Variants in AMPD2 observed in about 807,000 individuals in gnomAD.
The protein encoded by AMPD2 is adenosine monophosphate deaminase 2, also known as AMP deaminase 2.
Under a neutral mutation model 91.3 loss-of-function variants are expected in AMPD2, and 52 were observed. The ratio of observed to expected loss-of-function variants is 0.57; its 90% CI spans 0.46 to 0.72. The LOEUF is 0.72. Ranked by LOEUF, AMPD2 falls within the 30% of genes least tolerant of loss-of-function variation. The probability of loss-of-function intolerance (pLI) is 0.00; values close to 1 mark genes in which losing one functional copy is unlikely to be tolerated. For missense variants in AMPD2, 822 were observed against 1,122.3 expected (o/e 0.73, Z 3.82); for synonymous variants, 455 against 456.4 (o/e 1.00, Z 0.04).
chr1:109,622,083 C>T, intron 2 of AMPD2: 2 of 400,508 alleles, frequency 5.0e-6, no homozygotes, highest in Non-Finnish European at 1.0e-5. Flanking sequence ...AAAGACCCAC[C>T]CTGACTTTGA....
intron 1 of AMPD2, 55 bp from the exon 2 acceptor site, chr1:109,620,859 G>C (rs1650186912): frequency 7.0e-7 from 1 of 1,438,090 alleles, no homozygotes; most frequent in Non-Finnish European, 9.1e-7. Context: ...GGAGAGCTGG[G>C]GGCTGGCCCT....
In AMPD2 at chr1:109,628,059, C is replaced by G; in HGVS notation, c.1081-24C>G. 1 of 1,607,158 alleles carries G rather than the reference C, an allele frequency of 6.2e-7. No individual in the cohort carries two copies. The highest frequency in any genetic ancestry group is 8.5e-7 in the Non-Finnish European group (1 of 1,175,486). On this transcript the variant is annotated intron_variant, in intron 10 of 18. Coordinates refer to ENST00000528667, the MANE Select transcript of AMPD2 (RefSeq NM_001368809.2). This position sits in a 1 kb window ranked among gnomAD's most constrained non-coding sequence, Gnocchi z 7.1. ...CAGACCTTCCTGGCCTCTGGTGGAT[C>G]AGCAGTGCCCTGTTCCATTCCAGGT...
chr1:109,631,239 G>A lies in AMPD2; in HGVS notation c.*87G>A. 1 of 1,271,268 alleles carries A rather than the reference G, an allele frequency of 7.9e-7. No homozygotes were observed. The highest frequency in any genetic ancestry group is 2.5e-5 in the East Asian group (1 of 39,432). 78.7% of individuals were successfully genotyped at this position (1,271,268 alleles called of 1,614,324 possible). On this transcript the variant is annotated 3_prime_UTR_variant, in exon 19 of 19. Coordinates refer to ENST00000528667, the MANE Select transcript of AMPD2 (RefSeq NM_001368809.2). The stretch of plus-strand genomic sequence containing the variant: ...CGCCCATGCTGTGTGGTCTCTGCAT[G>A]TCTCCATTCTTCTCTGTCTCTGTCT...
chr1:109,626,270 C>T lies in AMPD2; in HGVS notation c.422+42C>T. ...GGCACAGGGGATGCGGAGCTGCAGC[C>T]TGCCCTTCTGCCGGCTCTAAACCCC... On this transcript the variant is annotated intron_variant, in intron 5 of 18. Transcript: ENST00000528667. 4 of 1,613,092 alleles carry T rather than the reference C, an allele frequency of 2.5e-6. No homozygotes were observed. In the Middle Eastern group the frequency reaches 5.0e-4, roughly 200 times the overall value.
rs1316696077 is a variant in AMPD2, at chr1:109,628,894, C to T, written c.1571+88C>T. ...TCCTGCCCTCCTAGGATGGCTGAGC[C>T]TCCCTTGTCCCTGCCAACCCCTCTG... On this transcript the variant is annotated intron_variant, in intron 13 of 18. Transcript: ENST00000528667. This position sits in a 1 kb window ranked among gnomAD's most constrained non-coding sequence, Gnocchi z 7.1. 9.4e-6 allele frequency: 14 copies of T among 1,483,904 alleles called. No homozygotes were observed. The highest frequency in any genetic ancestry group is 1.3e-5 in the Non-Finnish European group (14 of 1,108,844). 91.9% of individuals were successfully genotyped at this position (1,483,904 alleles called of 1,614,324 possible). A position where few individuals can be genotyped will look rare whatever the true frequency, so the allele number is the denominator to read the frequency against.
Position 109,621,233 on chromosome 1 carries a change from C to T in AMPD2, c.58C>T (p.Arg20Trp), listed in dbSNP as rs778964253. ...KPKAKYPFKK[R>W]ASLQASTAAP... ...CAAGGCCAAATATCCCTTTAAGAAG[C>T]GGGCCAGCCTGCAGGCCTCCACTGC... The change falls in exon 2 of 19, where the codon CGG (arginine) becomes TGG (tryptophan). Residue 20 changes from arginine (R) to tryptophan (W), a missense_variant. Around this residue, in one of 5 missense-constraint regions of AMPD2, gnomAD observed 105 missense variants for 125.0 expected, o/e 0.84. Coordinates refer to ENST00000528667, the MANE Select transcript of AMPD2 (RefSeq NM_001368809.2). 58 of 1,612,292 alleles carry T rather than the reference C, an allele frequency of 3.6e-5. No homozygotes were observed. The highest frequency in any genetic ancestry group is 4.6e-5 in the Non-Finnish European group (54 of 1,179,424).
rs1426929216 is a variant in AMPD2, at chr1:109,624,210, G to T, written c.92-1093G>T. 1 of 422,436 alleles carries T rather than the reference G, an allele frequency of 2.4e-6. No homozygotes were observed. The highest frequency in any genetic ancestry group is 6.4e-5 in the Admixed American group (1 of 15,632). 26.2% of individuals were successfully genotyped at this position (422,436 alleles called of 1,614,324 possible). On this transcript the variant is annotated intron_variant, in intron 2 of 18. Transcript: ENST00000528667. This position sits in a 1 kb window ranked among gnomAD's most constrained non-coding sequence, Gnocchi z 5.2. ...CCTGGAGTATTGGGAAATGGGCGCAGAGACTTTAAGGCCGGCTACCTAGGC... is the reference window on the plus strand; with the variant it reads ...CCTGGAGTATTGGGAAATGGGCGCATAGACTTTAAGGCCGGCTACCTAGGC...
chr1:109,627,085 A>T, intron 7 of AMPD2, 90 bp from the exon 8 acceptor site: 1 of 1,588,444 alleles, frequency 6.3e-7, no homozygotes, highest in Non-Finnish European at 8.6e-7. Context: ...CTGGGTCTTC[A>T]ACATCTCTTG....
At position 109,625,394 on chromosome 1, in the gene AMPD2, G is replaced by A. The variant is rs778218896; in HGVS notation, c.183G>A (p.Leu61=). 1 of 1,613,940 alleles carries A rather than the reference G, an allele frequency of 6.2e-7. No individual in the cohort carries two copies. Among genetic ancestry groups the A allele is most frequent in the Non-Finnish European group, 8.5e-7 (1 of 1,179,980 alleles). Residue 61 remains leucine, a synonymous_variant, in exon 3 of 19, where the codon CTG becomes CTA. Coordinates refer to ENST00000528667, the MANE Select transcript of AMPD2 (RefSeq NM_001368809.2). The surrounding 1 kb of genome is among the most constrained non-coding windows in gnomAD (Gnocchi z 4.0). ...GCCTCAAGCACTTCCCGCTCGACCT[G>A]CGCACGTCTATGGATGGCAAATGCA... The part of the protein sequence containing the change: ...APCLKHFPLD[L]RTSMDGKCKE...
rs747822677 is a variant in AMPD2, at chr1:109,627,791, G to T, written c.968G>T (p.Arg323Leu). 6.2e-7 allele frequency: 1 copy of T among 1,613,942 alleles called. No homozygotes were observed. Among genetic ancestry groups the T allele is most frequent in the South Asian group, 1.1e-5 (1 of 91,074 alleles). The change falls in exon 10 of 19, where the codon CGC (arginine) becomes CTC (leucine). Residue 323 changes from arginine to leucine, a missense_variant. Physicochemically the swap from Arg to Leu is moderately radical, Grantham distance 102. Transcript: ENST00000528667. ...ATGCCCAGAAAGTCATTCTGCTACC[G>T]CCGGCTGCAGTACCTGAGCTCCAAG... The part of the protein sequence containing the change: ...INGPIKSFCY[R>L]RLQYLSSKFQ...
rs756024433 is a variant in AMPD2, at chr1:109,621,123, G to C, written c.-53G>C. 8 of 1,595,700 alleles carry C rather than the reference G, an allele frequency of 5.0e-6. No individual in the cohort carries two copies. Among genetic ancestry groups the C allele is most frequent in the Admixed American group, 1.7e-5 (1 of 58,326 alleles). ...AAGGGGTTGGATGTGGCAGAGCCAG[G>C]CCCCAGCCGGTGCCGCTCAGACTCC... On this transcript the variant is annotated 5_prime_UTR_variant, in exon 2 of 19. Transcript: ENST00000528667.
At chr1:109,622,601 T>C (rs922540975) in intron 2 of AMPD2, among the ~76,000 whole-genome samples, 1 of 152,134 alleles carries the variant, frequency 6.6e-6, no homozygotes, top group Non-Finnish European at 1.5e-5. Flanking sequence ...CTTCTAGGCC[T>C]GGCCTCTGAG....
intron 2 of AMPD2, among the ~76,000 whole-genome samples, chr1:109,621,894 C>T (rs1019285817): frequency 2.6e-5 from 4 of 152,222 alleles, no homozygotes; most frequent in Non-Finnish European, 5.9e-5. Context: ...GGCTGCTGCC[C>T]GCACTGTGTG....
rs1474598710 is a variant in AMPD2 at position 109,629,106 on chromosome 1, C to T, written c.1572-3C>T. 6 of 1,613,496 alleles carry T rather than the reference C, an allele frequency of 3.7e-6. No homozygotes were observed. The highest frequency in any genetic ancestry group is 5.1e-6 in the Non-Finnish European group (6 of 1,179,794). ...ACATACCTGCATGTTGTCTCACCTG[C>T]AGTGATGTGTACCGTACCAAGGGCC... On this transcript the variant is annotated splice_region_variant and splice_polypyrimidine_tract_variant and intron_variant, in intron 13 of 18. Coordinates refer to ENST00000528667, the MANE Select transcript of AMPD2 (RefSeq NM_001368809.2).
chr1:109,623,672 T>C (rs1480281027), intron 2 of AMPD2: 1 of 152,594 alleles, frequency 6.6e-6, no homozygotes, highest in Non-Finnish European at 1.5e-5. Flanking sequence ...TCCCCTCCTT[T>C]TTCTCCCCTC....
In AMPD2 at chr1:109,628,086, G is replaced by T; in HGVS notation, c.1084G>T (p.Asp362Tyr). Residue 362 changes from aspartate to tyrosine, a missense_variant, in exon 11 of 19, where the codon GAC becomes TAC. This residue lies in a region of AMPD2 where 37 missense variants were observed against 84.8 expected (regional missense o/e 0.44). Transcript: ENST00000528667. The surrounding 1 kb of genome is among the most constrained non-coding windows in gnomAD (Gnocchi z 7.1). Reference sequence around the variant, plus strand: ...GCAGTGCCCTGTTCCATTCCAGGTGGACACCCACATCCATGCCTCGTCCTG... The same window carrying T: ...GCAGTGCCCTGTTCCATTCCAGGTGTACACCCACATCCATGCCTCGTCCTG... ...HRDFYNIRKV[D>Y]THIHASSCMN... 6.2e-7 allele frequency: 1 copy of T among 1,612,902 alleles called. No homozygotes were observed. The highest frequency in any genetic ancestry group is 8.5e-7 in the Non-Finnish European group (1 of 1,179,308).
In AMPD2 at chr1:109,620,011, C is replaced by A; in HGVS notation, c.-530C>A. ...TTGGGAGCACGTGGCCTACCAGCCT[C>A]TCGATTGCAGGGTTGGGTGGTCGCG... On this transcript the variant is annotated 5_prime_UTR_variant, in exon 1 of 19. Coordinates refer to ENST00000528667, the MANE Select transcript of AMPD2 (RefSeq NM_001368809.2). The A allele has an allele frequency of 1.9e-6, 1 of 532,388 alleles. No homozygotes were observed. Among genetic ancestry groups the A allele is most frequent in the South Asian group, 2.0e-5 (1 of 49,966 alleles). 33.0% of individuals were successfully genotyped at this position (532,388 alleles called of 1,614,324 possible). A position where few individuals can be genotyped will look rare whatever the true frequency, so the allele number is the denominator to read the frequency against.
intron 2 of AMPD2, 181 bp downstream of exon 2, chr1:109,621,447 G>T (rs1318177461): frequency 3.0e-6 from 2 of 657,778 alleles, no homozygotes; most frequent in Admixed American, 2.2e-5. Flanking sequence ...GGTGGGGGGC[G>T]GGGGGTGGAT....
chr1:109,620,129 C>A lies in AMPD2; in HGVS notation c.-412C>A. ...CAATTTTGAAAGACTGCCTTACTTT[C>A]CCCATCTCAGTGCCAGGGCAGGGGC... is the stretch of plus-strand genomic sequence containing the variant. On this transcript the variant is annotated 5_prime_UTR_variant, in exon 1 of 19. Coordinates refer to ENST00000528667, the MANE Select transcript of AMPD2 (RefSeq NM_001368809.2). The A allele has an allele frequency of 1.7e-6, 2 of 1,207,910 alleles. No individual in the cohort carries two copies. The highest frequency in any genetic ancestry group is 2.4e-6 in the Non-Finnish European group (2 of 822,274). 74.8% of individuals were successfully genotyped at this position (1,207,910 alleles called of 1,614,324 possible). A position where few individuals can be genotyped will look rare whatever the true frequency, so the allele number is the denominator to read the frequency against.
Sources: allele counts gnomAD v4.1 joint callset (sites outside exome capture counted in the v4.1 genomes callset), GRCh38; gene constraint gnomAD v4.1.1; regional missense constraint gnomAD v4.1.1; non-coding constraint Gnocchi (gnomAD v3.1); transcripts MANE v1.5; gene names NCBI Gene and HGNC (gene_info 2026-07-23, HGNC 2026-07-21).